Variants in EIF3H observed in about 807,000 individuals in gnomAD.
The protein encoded by EIF3H is eIF-3-gamma.
EIF3H carries 26 observed loss-of-function variants against 44.2 expected under a neutral mutation model. The ratio of observed to expected loss-of-function variants is 0.59; its 90% CI spans 0.43 to 0.82. EIF3H has a LOEUF of 0.82. Ranked by LOEUF, EIF3H falls within the 40% of genes least tolerant of loss-of-function variation. The pLI, the probability that EIF3H is intolerant of heterozygous loss-of-function variation, is 0.00. For missense variants in EIF3H, 359 were observed against 432.8 expected, an observed-to-expected ratio of 0.83 and a Z score of 1.51; for synonymous variants, 166 against 151.9, an observed-to-expected ratio of 1.09 and a Z score of -0.68.
intron 1 of EIF3H, among the ~76,000 whole-genome samples, chr8:116,730,136 A>G (rs941753200): frequency 6.6e-6 from 1 of 152,244 alleles, no homozygotes; most frequent in Non-Finnish European, 1.5e-5. Flanking sequence ...CTTTAGTTCA[A>G]GAAGTAATGT....
intron 2 of EIF3H, among the ~76,000 whole-genome samples, chr8:116,682,892 T>C (rs1215875444): frequency 6.6e-6 from 1 of 152,210 alleles, no homozygotes; most frequent in Non-Finnish European, 1.5e-5. Context: ...TAGATGATAA[T>C]CATCTGACAC....
intron 2 of EIF3H, among the ~76,000 whole-genome samples, chr8:116,706,234 C>A (rs1292037916): frequency 6.6e-6 from 1 of 152,216 alleles, no homozygotes; most frequent in African/African-American, 2.4e-5. Flanking sequence ...ACCTAAACTT[C>A]TGTAAGCTCT....
At chr8:116,727,331 A>G (rs1030354074) in intron 1 of EIF3H, among the ~76,000 whole-genome samples, 1 of 152,248 alleles carries the variant, frequency 6.6e-6, no homozygotes, top group African/African-American at 2.4e-5. Flanking sequence ...AGTGCAAACA[A>G]AGGGAAAAAG....
chr8:116,722,152 G>A lies in EIF3H; in HGVS notation c.289+3864C>T, dbSNP rs185207497. Among the ~76,000 whole-genome samples, 43 of 152,198 alleles carry A rather than the reference G, an allele frequency of 2.8e-4. 3 individuals are homozygous for A. The East Asian group carries it at 6.8e-3, about 24-fold the overall frequency. On this transcript the variant is annotated intron_variant, in intron 2 of 7. Coordinates refer to ENST00000521861, the MANE Select transcript of EIF3H (RefSeq NM_003756.3). The stretch of plus-strand genomic sequence containing the variant: ...ACTCAGTGGAAGATAACTGAATCAC[G>A]GGAGCAGTTGCCCCCATACTGTTCT...
intron 3 of EIF3H, chr8:116,657,857 A>G (rs1160709822): frequency 6.5e-6 from 1 of 153,974 alleles, no homozygotes; most frequent in Non-Finnish European, 1.4e-5. Flanking sequence ...TGGAGAAACT[A>G]ATTTTGTCAA....
intron 2 of EIF3H, among the ~76,000 whole-genome samples, chr8:116,668,448 C>T (rs540332108): frequency 6.6e-6 from 1 of 152,258 alleles, no homozygotes; most frequent in South Asian, 2.1e-4. Flanking sequence ...TCAATGCATA[C>T]AATGTTAAAG....
chr8:116,691,643 G>A (rs1386278643), intron 2 of EIF3H, among the ~76,000 whole-genome samples: 1 of 152,048 alleles, frequency 6.6e-6, no homozygotes, highest in African/African-American at 2.4e-5. Flanking sequence ...AGAAGGACAA[G>A]GCAGGAGGAT....
At chr8:116,758,099 C>T (rs978369522), upstream of EIF3H, among the ~76,000 whole-genome samples, 50 of 152,102 alleles carry the variant, frequency 3.3e-4, no homozygotes, top group African/African-American at 1.1e-3. Flanking sequence ...ATGATCTATC[C>T]ATAGGCTATC....
At chr8:116,673,679 C>T (rs936818913) in intron 2 of EIF3H, among the ~76,000 whole-genome samples, 3 of 152,104 alleles carry the variant, frequency 2.0e-5, no homozygotes, top group South Asian at 2.1e-4. Flanking sequence ...TCTCTAACTT[C>T]GAAGATTCAT....
chr8:116,732,268 A>G (rs1814962802), intron 1 of EIF3H, among the ~76,000 whole-genome samples: 1 of 152,222 alleles, frequency 6.6e-6, no homozygotes, highest in Non-Finnish European at 1.5e-5. Context: ...TCTAAAAGCA[A>G]GAACGGATTT....
intron 2 of EIF3H, among the ~76,000 whole-genome samples, chr8:116,706,476 T>C (rs569142880): frequency 6.6e-6 from 1 of 152,204 alleles, no homozygotes; most frequent in Non-Finnish European, 1.5e-5. Context: ...CTGTTTTTCA[T>C]GTTTCAATAC....
chr8:116,725,401 T>C (rs1189411938), intron 2 of EIF3H, among the ~76,000 whole-genome samples: 1 of 152,222 alleles, frequency 6.6e-6, no homozygotes, highest in Non-Finnish European at 1.5e-5. Flanking sequence ...AAAATTTTTA[T>C]GTGCTTTTTA....
chr8:116,695,067 CTT>C (rs767166377), intron 2 of EIF3H, among the ~76,000 whole-genome samples: 20 of 133,500 alleles, frequency 1.5e-4, no homozygotes, highest in Admixed American at 3.0e-4. Context: ...CTTCCTAATT[CTT>C]TTTTTTTTTT....
chr8:116,716,822 T>C lies in EIF3H; in HGVS notation c.289+9194A>G, dbSNP rs185992824. Among the ~76,000 whole-genome samples the C allele has an allele frequency of 2.9e-3, 439 of 152,206 alleles. 2 individuals carry two copies. Among genetic ancestry groups the C allele is most frequent in the African/African-American group, 0.01 (426 of 41,570 alleles). ...GTTTGTCCATCTCTGATTTAAACCA[T>C]TTATTAACATTTCACTTTTGGACAA... On this transcript the variant is annotated intron_variant, in intron 2 of 7. Transcript: ENST00000521861.
chr8:116,722,698 AAAG>A (rs1216045930), intron 2 of EIF3H, among the ~76,000 whole-genome samples: 1 of 152,194 alleles, frequency 6.6e-6, no homozygotes, highest in African/African-American at 2.4e-5. Context: ...CAGGAAAACC[AAAG>A]AATTGAGGTT....
At chr8:116,680,749 A>G (rs6984209) in intron 2 of EIF3H, among the ~76,000 whole-genome samples, 3,671 of 145,950 alleles carry the variant, frequency 0.025, 79 homozygotes, top group African/African-American at 0.066. Flanking sequence ...TTGTTTATCT[A>G]CTGACCTTCC....
chr8:116,703,934 T>C (rs923062311), intron 2 of EIF3H, among the ~76,000 whole-genome samples: 2 of 152,210 alleles, frequency 1.3e-5, no homozygotes, highest in African/African-American at 4.8e-5. Context: ...AGTGCTCCTA[T>C]GAGAATCTAA....
At chr8:116,721,071 C>T (rs765593750) in intron 2 of EIF3H, among the ~76,000 whole-genome samples, 2 of 152,126 alleles carry the variant, frequency 1.3e-5, no homozygotes, top group African/African-American at 2.4e-5. Context: ...CTCCAGGGCA[C>T]GTCGGAGACC....
intron 2 of EIF3H, among the ~76,000 whole-genome samples, chr8:116,685,023 T>C (rs1814050225): frequency 1.3e-5 from 2 of 152,216 alleles, no homozygotes; most frequent in Admixed American, 6.5e-5. Context: ...ATACAGAGTA[T>C]AGATGCAATA....
Sources: allele counts gnomAD v4.1 joint callset (sites outside exome capture counted in the v4.1 genomes callset), GRCh38; gene constraint gnomAD v4.1.1; transcripts MANE v1.5; gene names NCBI Gene and HGNC (gene_info 2026-07-23, HGNC 2026-07-21).